The following ARHGAP26 variants were observed in gnomAD, a reference collection of about 807,000 sequenced individuals.
The protein encoded by ARHGAP26 is Rho GTPase activating protein 26.
A neutral mutation model predicts 104.8 loss-of-function variants in ARHGAP26; 38 were observed. The observed-to-expected ratio is 0.36, with a 90% CI of 0.28 to 0.48. ARHGAP26 has a LOEUF of 0.48. Among genes scored for constraint, ARHGAP26 ranks in the 20% least tolerant of loss-of-function variants. ARHGAP26 has a pLI of 0.99. For synonymous variants in ARHGAP26, 341 were observed against 340.0 expected (o/e 1.00, Z -0.03); for missense variants, 704 against 947.9 (o/e 0.74, Z 3.38).
Position 143,099,492 on chromosome 5 carries a change from A to T in ARHGAP26, c.1539-21496A>T, listed in dbSNP as rs529101190. Among the ~76,000 whole-genome samples the T allele has an allele frequency of 5.3e-5, 8 of 152,334 alleles. No individual in the cohort carries two copies. The East Asian group carries it at 1.3e-3, about 26-fold the overall frequency. ...CCATCATTGAAAGGATGGACGAGAT[A>T]AAAAATCTACTTTCTAGCACAGGGA... On this transcript the variant is annotated intron_variant, in intron 17 of 22. Transcript: ENST00000645722.
chr5:143,095,394 A>G (rs1022166754), intron 17 of ARHGAP26, among the ~76,000 whole-genome samples: 4 of 152,166 alleles, frequency 2.6e-5, no homozygotes, highest in Non-Finnish European at 5.9e-5. Flanking sequence ...TTTTTGTCTC[A>G]GCACCTCTTT....
intron 18 of ARHGAP26, among the ~76,000 whole-genome samples, chr5:143,122,912 A>G (rs1796306622): frequency 6.6e-6 from 1 of 152,208 alleles, no homozygotes; most frequent in Non-Finnish European, 1.5e-5. Context: ...CCTCCTATCA[A>G]TTTTATTTAA....
At chr5:142,837,395 G>A (rs1769800596) in intron 1 of ARHGAP26, among the ~76,000 whole-genome samples, 1 of 151,686 alleles carries the variant, frequency 6.6e-6, no homozygotes, top group Admixed American at 6.6e-5. Context: ...AGTGCTTTGT[G>A]TTCACTTCTG....
chr5:142,786,381 C>T (rs758729019), intron 1 of ARHGAP26, among the ~76,000 whole-genome samples: 1 of 152,202 alleles, frequency 6.6e-6, no homozygotes, highest in Admixed American at 6.5e-5. Flanking sequence ...ACTGCAGCCT[C>T]GGACTCCTGG....
chr5:142,992,409 T>A (rs904185062), intron 11 of ARHGAP26, among the ~76,000 whole-genome samples: 11 of 151,778 alleles, frequency 7.2e-5, no homozygotes, highest in Non-Finnish European at 1.3e-4. Context: ...GCAGCAGTGA[T>A]TTTTTATTTA....
rs534007204 is a variant in ARHGAP26, at chr5:143,211,524, G to C, written c.2100-2473G>C. Among the ~76,000 whole-genome samples, 3 of 151,136 alleles carry C rather than the reference G, an allele frequency of 2.0e-5. No individual in the cohort carries two copies. The South Asian group carries it at 6.3e-4, about 32-fold the overall frequency. On this transcript the variant is annotated intron_variant, in intron 21 of 22. Coordinates refer to ENST00000645722, the MANE Select transcript of ARHGAP26 (RefSeq NM_001135608.3). ...TAGACTGTCAGTTGCCTATCAACTT[G>C]AGAAAAAAACAAGGCCCTTTCTTGG...
At chr5:143,082,009 C>CAAAAAA (rs71576162) in intron 17 of ARHGAP26, among the ~76,000 whole-genome samples, 6 of 38,248 alleles carry the variant, frequency 1.6e-4, no homozygotes, top group South Asian at 7.7e-4. Context: ...GACTCCATCT[C>CAAAAAA]AAAAAAAAAA....
At chr5:143,178,700 C>T (rs1803863947) in intron 20 of ARHGAP26, among the ~76,000 whole-genome samples, 2 of 152,184 alleles carry the variant, frequency 1.3e-5, no homozygotes, top group African/African-American at 4.8e-5. Context: ...GAGAGCTTCA[C>T]ATTTCCTCAC....
chr5:143,145,855 G>A (rs1000152890), intron 19 of ARHGAP26, among the ~76,000 whole-genome samples: 5 of 152,300 alleles, frequency 3.3e-5, no homozygotes, highest in East Asian at 1.9e-4. Context: ...GGGTGAATGT[G>A]TATGTATTTA....
At chr5:143,076,531 A>G (rs2150408077) in intron 17 of ARHGAP26, among the ~76,000 whole-genome samples, 1 of 152,320 alleles carries the variant, frequency 6.6e-6, no homozygotes, top group East Asian at 1.9e-4. Flanking sequence ...ATAACAGCTA[A>G]CATTTGTCAG....
At chr5:143,035,343 G>T (rs562762179) in intron 12 of ARHGAP26, among the ~76,000 whole-genome samples, 17 of 152,206 alleles carry the variant, frequency 1.1e-4, no homozygotes, top group African/African-American at 3.1e-4. Context: ...TATATATGAT[G>T]GATTACTACT....
chr5:142,864,763 T>C (rs1207465692), intron 1 of ARHGAP26, among the ~76,000 whole-genome samples: 3 of 152,206 alleles, frequency 2.0e-5, no homozygotes, highest in Non-Finnish European at 4.4e-5. Context: ...CTATTTTGAA[T>C]TCCCACAACA....
intron 10 of ARHGAP26, chr5:142,919,085 G>C (rs1762863809): frequency 2.5e-6 from 1 of 397,100 alleles, no homozygotes; most frequent in Admixed American, 4.4e-5. Context: ...ATCATATGCT[G>C]AAGTCCTAAT....
At position 142,907,735 on chromosome 5, in the gene ARHGAP26, C is replaced by T. The variant is rs769794755; in HGVS notation, c.864C>T (p.Tyr288=). The change falls in exon 9 of 23, where the codon TAC becomes TAT. Residue 288 remains tyrosine (Y), a synonymous_variant. Coordinates refer to ENST00000645722, the MANE Select transcript of ARHGAP26 (RefSeq NM_001135608.3). Reference sequence around the variant, plus strand: ...TTGGAACTTCTTGGGTGAAGCACTACTGTACATATCAACGGGATTCCAAAC... The same window carrying T: ...TTGGAACTTCTTGGGTGAAGCACTATTGTACATATCAACGGGATTCCAAAC... ...RHFGTSWVKH[Y]CTYQRDSKQI... The T allele has an allele frequency of 2.0e-5, 32 of 1,611,152 alleles. No individual in the cohort carries two copies. In the South Asian group the frequency reaches 3.4e-4, roughly 17 times the overall value.
At chr5:143,175,002 G>T (rs1169465262) in intron 20 of ARHGAP26, among the ~76,000 whole-genome samples, 1 of 152,214 alleles carries the variant, frequency 6.6e-6, no homozygotes, top group Non-Finnish European at 1.5e-5. Flanking sequence ...CAAATTTGAT[G>T]TGGAGCTACA....
chr5:143,217,160 A>T (rs1810464305), intron 22 of ARHGAP26, among the ~76,000 whole-genome samples: 1 of 152,142 alleles, frequency 6.6e-6, no homozygotes, highest in Admixed American at 6.5e-5. Context: ...TTTCAGGATT[A>T]AGAAGAATGA....
intron 19 of ARHGAP26, among the ~76,000 whole-genome samples, chr5:143,136,055 G>A (rs1797872779): frequency 6.6e-6 from 1 of 152,224 alleles, no homozygotes; most frequent in Non-Finnish European, 1.5e-5. Context: ...ACTTATCAGT[G>A]TACGGTGTAG....
chr5:143,207,085 CGG>C, intron 20 of ARHGAP26, 111 bp from the exon 21 acceptor site: 1 of 1,307,620 alleles, frequency 7.6e-7, no homozygotes, highest in Non-Finnish European at 1.1e-6. Flanking sequence ...CCCTGGGTTT[CGG>C]TGCTCCTCTG....
chr5:142,793,213 A>C (rs1364577191), intron 1 of ARHGAP26, among the ~76,000 whole-genome samples: 1 of 150,764 alleles, frequency 6.6e-6, no homozygotes, highest in Non-Finnish European at 1.5e-5. Flanking sequence ...GACCTAAAAG[A>C]AGCAGGAGAA....
Sources: gnomAD v4.1 joint callset for allele counts (sites outside exome capture counted in the v4.1 genomes callset) on GRCh38, gnomAD v4.1.1 for gene constraint, MANE v1.5 for transcripts, NCBI Gene and HGNC (gene_info 2026-07-23, HGNC 2026-07-21) for gene names.